CBFB: variants seen among roughly 807,000 people sequenced by gnomAD.
CBFB encodes the protein core-binding factor subunit beta.
CBFB carries 9 observed loss-of-function variants against 30.4 expected under a neutral mutation model. The ratio of observed to expected loss-of-function variants is 0.30; its 90% confidence interval spans 0.18 to 0.52. The LOEUF is 0.52. CBFB is among the 20% of genes least tolerant of loss of function. CBFB has a pLI of 0.97. For synonymous variants in CBFB, 94 were observed against 84.0 expected (o/e 1.12, Z -0.65); for missense variants, 170 against 244.0 (o/e 0.70, Z 2.02).
intron 3 of CBFB, among the ~76,000 whole-genome samples, chr16:67,057,735 G>T (rs747479985): frequency 1.2e-4 from 18 of 152,112 alleles, no homozygotes; most frequent in Non-Finnish European, 2.6e-4. Context: ...TGGTTAGCCA[G>T]TTTTTTCAAC....
intron 3 of CBFB, among the ~76,000 whole-genome samples, chr16:67,047,306 G>A (rs191583728): frequency 1.3e-5 from 2 of 152,270 alleles, no homozygotes; most frequent in East Asian, 1.9e-4. Context: ...GTGCCTCTTG[G>A]CAGTATTGCT....
intron 3 of CBFB, among the ~76,000 whole-genome samples, chr16:67,038,434 G>A (rs1453994526): frequency 6.6e-6 from 1 of 151,636 alleles, no homozygotes; most frequent in Non-Finnish European, 1.5e-5. Context: ...CAATTCTGTA[G>A]AATTAGATTT....
chr16:67,061,066 G>A (rs1960897903), intron 3 of CBFB, among the ~76,000 whole-genome samples: 1 of 152,160 alleles, frequency 6.6e-6, no homozygotes, highest in Admixed American at 6.5e-5. Flanking sequence ...GAAATTTAAA[G>A]CCACAGAATG....
intron 4 of CBFB, among the ~76,000 whole-genome samples, chr16:67,067,334 A>G (rs1476924504): frequency 2.6e-5 from 4 of 152,126 alleles, no homozygotes; most frequent in Non-Finnish European, 5.9e-5. Context: ...CCTGGCCATC[A>G]TGATGAAACC....
At chr16:67,044,963 A>T (rs556322011) in intron 3 of CBFB, among the ~76,000 whole-genome samples, 1 of 152,298 alleles carries the variant, frequency 6.6e-6, no homozygotes, top group South Asian at 2.1e-4. Flanking sequence ...GTTCGACTAA[A>T]ATATGAATTG....
chr16:67,048,799 G>A (rs1184523980), intron 3 of CBFB, among the ~76,000 whole-genome samples: 2 of 147,162 alleles, frequency 1.4e-5, no homozygotes, highest in East Asian at 4.0e-4. Context: ...GTGAGCCACC[G>A]TGTCTAGCCT....
chr16:67,085,530 T>C (rs1485069628), intron 5 of CBFB, among the ~76,000 whole-genome samples: 2 of 150,630 alleles, frequency 1.3e-5, no homozygotes, highest in African/African-American at 4.9e-5. Flanking sequence ...GGTCTCACTC[T>C]GTTGCCCAGG....
intron 5 of CBFB, among the ~76,000 whole-genome samples, chr16:67,088,663 G>T (rs964140100): frequency 2.6e-5 from 4 of 152,212 alleles, no homozygotes; most frequent in Admixed American, 2.0e-4. Context: ...GGTTCTAGTG[G>T]GTGGTCCTGA....
intron 3 of CBFB, among the ~76,000 whole-genome samples, chr16:67,039,435 A>G (rs1451245125): frequency 6.6e-6 from 1 of 152,182 alleles, no homozygotes; most frequent in Non-Finnish European, 1.5e-5. Context: ...GATTCTGTAG[A>G]TTATATAAAC....
chr16:67,046,843 A>AAGCTGTAC (rs1966635565), intron 3 of CBFB, among the ~76,000 whole-genome samples: 2 of 152,168 alleles, frequency 1.3e-5, no homozygotes, highest in South Asian at 4.1e-4. Context: ...TGTACAGAGG[A>AAGCTGTAC]TTGGAAGCTA....
intron 3 of CBFB, among the ~76,000 whole-genome samples, chr16:67,047,839 C>A (rs531042364): frequency 6.6e-6 from 1 of 152,030 alleles, no homozygotes; most frequent in Non-Finnish European, 1.5e-5. Flanking sequence ...AAGGCCAGGG[C>A]GGGTGGATCG....
chr16:67,095,438 A>G (rs1962018174), intron 5 of CBFB, among the ~76,000 whole-genome samples: 1 of 151,950 alleles, frequency 6.6e-6, no homozygotes, highest in Non-Finnish European at 1.5e-5. Flanking sequence ...AATTGCTTGA[A>G]CCCAGGAGGC....
At chr16:67,041,260 A>G (rs1353845201) in intron 3 of CBFB, among the ~76,000 whole-genome samples, 1 of 152,118 alleles carries the variant, frequency 6.6e-6, no homozygotes, top group Non-Finnish European at 1.5e-5. Context: ...CAGATGAATG[A>G]TATTATCTAC....
intron 4 of CBFB, among the ~76,000 whole-genome samples, chr16:67,081,409 C>A (rs1597154832): frequency 6.6e-6 from 1 of 151,904 alleles, no homozygotes; most frequent in African/African-American, 2.4e-5. Context: ...AGACTTGGAA[C>A]CAACCCAGAT....
rs1193990834 is a variant in CBFB, at chr16:67,100,377, G to A, written c.*1599G>A. The A allele has an allele frequency of 4.5e-6, 1 of 221,308 alleles. No individual in the cohort carries two copies. The highest frequency in any genetic ancestry group is 9.1e-6 in the Non-Finnish European group (1 of 110,470). 13.7% of individuals were successfully genotyped at this position (221,308 alleles called of 1,614,324 possible). On this transcript the variant is annotated 3_prime_UTR_variant, in exon 6 of 6. Coordinates refer to ENST00000412916, the MANE Select transcript of CBFB (RefSeq NM_022845.3). Reference sequence around the variant, plus strand: ...TATCCTGTATCAAATAAAAGTATTTGTTATATATTTGAAGTTATGCATGGA... The same window carrying A: ...TATCCTGTATCAAATAAAAGTATTTATTATATATTTGAAGTTATGCATGGA...
chr16:67,046,156 G>C (rs1034817969), intron 3 of CBFB, among the ~76,000 whole-genome samples: 3 of 151,816 alleles, frequency 2.0e-5, no homozygotes, highest in Admixed American at 6.6e-5. Flanking sequence ...ACCCAGGCTG[G>C]AGTGCAGTGG....
At chr16:67,060,462 C>G (rs1320934772) in intron 3 of CBFB, among the ~76,000 whole-genome samples, 2 of 152,174 alleles carry the variant, frequency 1.3e-5, no homozygotes, top group Non-Finnish European at 2.9e-5. Flanking sequence ...ATTTGCCACT[C>G]CCCTGTGCCC....
intron 3 of CBFB, among the ~76,000 whole-genome samples, chr16:67,043,788 G>A (rs1444276799): frequency 1.3e-5 from 2 of 152,188 alleles, no homozygotes; most frequent in Admixed American, 1.3e-4. Flanking sequence ...GCAATTTGAT[G>A]GTTCTGTAGG....
chr16:67,070,047 ATTGT>A (rs769007902), intron 4 of CBFB, among the ~76,000 whole-genome samples: 1 of 152,228 alleles, frequency 6.6e-6, no homozygotes, highest in Non-Finnish European at 1.5e-5. Flanking sequence ...ATGTCTTTTA[ATTGT>A]TTGCTTGATA....
Sources: gnomAD v4.1 joint callset for allele counts (sites outside exome capture counted in the v4.1 genomes callset) on GRCh38, gnomAD v4.1.1 for gene constraint, MANE v1.5 for transcripts, NCBI Gene and HGNC (gene_info 2026-07-23, HGNC 2026-07-21) for gene names.